BLNK: variants seen among roughly 807,000 people sequenced by gnomAD.
BLNK encodes the protein B-cell linker protein.
Under a neutral mutation model 73.5 loss-of-function variants are expected in BLNK, and 29 were observed. That is an observed-to-expected ratio of 0.39 (90% CI 0.29 to 0.54). The LOEUF (loss-of-function observed/expected upper bound fraction) is 0.54, where lower values mean the gene tolerates loss of function less well. Among genes scored for constraint, BLNK ranks in the 20% least tolerant of loss-of-function variants. BLNK has a pLI of 0.61. For synonymous variants in BLNK, 176 were observed against 200.8 expected (o/e 0.88, Z 1.04); for missense variants, 460 against 562.8 (o/e 0.82, Z 1.85).
chr10:96,237,775 T>A (rs587674910), intron 3 of BLNK, among the ~76,000 whole-genome samples: 1 of 152,232 alleles, frequency 6.6e-6, no homozygotes, highest in East Asian at 1.9e-4. Context: ...TGAGCTTGGG[T>A]CAAAGCAAGG....
intron 9 of BLNK, among the ~76,000 whole-genome samples, chr10:96,209,116 A>ATGAC (rs373267215): frequency 6.6e-6 from 1 of 152,248 alleles, no homozygotes; most frequent in African/African-American, 2.4e-5. Context: ...ATAAGAAAGA[A>ATGAC]TGACTGTCAC....
intron 1 of BLNK, among the ~76,000 whole-genome samples, chr10:96,263,535 A>G (rs1843855961): frequency 1.3e-5 from 2 of 151,530 alleles, no homozygotes; most frequent in Admixed American, 1.3e-4. Flanking sequence ...GGAGGCCTAG[A>G]CCACAGTGCT....
intron 6 of BLNK, among the ~76,000 whole-genome samples, chr10:96,221,146 T>C (rs1215346865): frequency 6.6e-6 from 1 of 152,242 alleles, no homozygotes; most frequent in Non-Finnish European, 1.5e-5. Context: ...TGTTTCCTCA[T>C]CTGTAAAGTG....
chr10:96,221,529 T>C (rs1375057032), intron 6 of BLNK, among the ~76,000 whole-genome samples: 1 of 152,198 alleles, frequency 6.6e-6, no homozygotes, highest in Non-Finnish European at 1.5e-5. Context: ...CCCGCCTTCA[T>C]ACTTCTCTTT....
rs1564829272 is a variant in BLNK, at chr10:96,223,895, G to A, written c.456C>T (p.Thr152=). 7 of 1,613,888 alleles carry A rather than the reference G, an allele frequency of 4.3e-6. No homozygotes were observed. The highest frequency in any genetic ancestry group is 3.4e-4 in the Middle Eastern group (2 of 5,822). Reference sequence around the variant, plus strand: ...TCTGCAAAGCAGTCAGGGCCGGCAGGGTGGAGGTGAGCCTTGCTTTCTCTG... The same window carrying A: ...TCTGCAAAGCAGTCAGGGCCGGCAGAGTGGAGGTGAGCCTTGCTTTCTCTG... ...WPSEKARLTS[T]LPALTALQKP... The change falls in exon 6 of 17, where the codon ACC becomes ACT. Residue 152 remains threonine, a synonymous_variant. Coordinates refer to ENST00000224337, the MANE Select transcript of BLNK (RefSeq NM_013314.4).
chr10:96,198,986 A>G (rs2083552863), intron 15 of BLNK, among the ~76,000 whole-genome samples: 1 of 152,258 alleles, frequency 6.6e-6, no homozygotes, highest in African/African-American at 2.4e-5. Context: ...GGCATAAGCC[A>G]CTGCGCCTGG....
At chr10:96,230,923 C>A (rs1280379127) in intron 3 of BLNK, 89 bp from the exon 4 acceptor site, 2 of 1,399,736 alleles carry the variant, frequency 1.4e-6, no homozygotes, top group South Asian at 1.2e-5. Flanking sequence ...CACCTGCCTT[C>A]CCTTCCCTTT....
In BLNK at chr10:96,200,840, T is replaced by C; in HGVS notation, c.1011+142A>G. The C allele has an allele frequency of 1.2e-6, 1 of 819,010 alleles. No individual in the cohort carries two copies. The highest frequency in any genetic ancestry group is 1.8e-5 in the Admixed American group (1 of 55,454). 50.7% of individuals were successfully genotyped at this position (819,010 alleles called of 1,614,324 possible). A position where few individuals can be genotyped will look rare whatever the true frequency, so the allele number is the denominator to read the frequency against. ...ACAACAACTGGGTATTCTGTCCCTA[T>C]TACCAAATGACAGTTCACATAATGA... On this transcript the variant is annotated intron_variant, in intron 14 of 16. Coordinates refer to ENST00000224337, the MANE Select transcript of BLNK (RefSeq NM_013314.4). This position sits in a 1 kb window ranked among gnomAD's most constrained non-coding sequence, Gnocchi z 4.3.
At chr10:96,229,658 G>GTGTA (rs1842420830) in intron 4 of BLNK, among the ~76,000 whole-genome samples, 1 of 149,646 alleles carries the variant, frequency 6.7e-6, no homozygotes, top group Non-Finnish European at 1.5e-5. Flanking sequence ...ATGTGGCTGT[G>GTGTA]TGTGTGTGTG....
intron 13 of BLNK, chr10:96,203,854 T>C: frequency 2.3e-6 from 1 of 430,004 alleles, no homozygotes; most frequent in Non-Finnish European, 4.2e-6. Flanking sequence ...AAGTAAAAAT[T>C]GCCTCAAATA....
At chr10:96,264,095 G>A (rs1843883068) in intron 1 of BLNK, among the ~76,000 whole-genome samples, 1 of 152,174 alleles carries the variant, frequency 6.6e-6, no homozygotes, top group Non-Finnish European at 1.5e-5. Context: ...TAGGGGCCTA[G>A]GAAACCCAGC....
In BLNK at chr10:96,191,917, A is replaced by C; in HGVS notation, c.*56T>G. The C allele has an allele frequency of 6.2e-7, 1 of 1,608,800 alleles. No individual in the cohort carries two copies. Among genetic ancestry groups the C allele is most frequent in the South Asian group, 1.1e-5 (1 of 90,414 alleles). On this transcript the variant is annotated 3_prime_UTR_variant, in exon 17 of 17. Transcript: ENST00000224337. ...TGAAGTTTTGGGACTTTTTCTCAAA[A>C]GGAGAAACTTTGGGAAAGTGTCTGA...
chr10:96,260,628 A>G (rs1411037589), intron 1 of BLNK, among the ~76,000 whole-genome samples: 4 of 152,178 alleles, frequency 2.6e-5, no homozygotes, highest in Non-Finnish European at 5.9e-5. Flanking sequence ...AAAAGCAAAG[A>G]TATTTTCAGG....
chr10:96,257,948 C>T lies in BLNK; in HGVS notation c.48-10899G>A, dbSNP rs138238680. Reference sequence around the variant, plus strand: ...CAAAACATCCTCCTCTCAGGTCACTCCTGTCTTAAAGCTGAAGTTTTCAGC... The same window carrying T: ...CAAAACATCCTCCTCTCAGGTCACTTCTGTCTTAAAGCTGAAGTTTTCAGC... On this transcript the variant is annotated intron_variant, in intron 1 of 16. Coordinates refer to ENST00000224337, the MANE Select transcript of BLNK (RefSeq NM_013314.4). Among the ~76,000 whole-genome samples, 454 of 152,324 alleles carry T rather than the reference C, an allele frequency of 3.0e-3. 7 individuals carry two copies. The highest frequency in any genetic ancestry group is 0.024 in the Middle Eastern group (7 of 294).
chr10:96,206,494 A>G (rs1049280514), intron 11 of BLNK, among the ~76,000 whole-genome samples: 4 of 149,272 alleles, frequency 2.7e-5, no homozygotes, highest in Non-Finnish European at 4.4e-5. Flanking sequence ...AGCTGCAGTG[A>G]GCTATAATTA....
intron 2 of BLNK, 68 bp from the exon 3 acceptor site, chr10:96,242,852 A>G: frequency 7.7e-7 from 1 of 1,300,338 alleles, no homozygotes; most frequent in East Asian, 2.3e-5. Flanking sequence ...CGATGCTAGA[A>G]GCTGATATAG....
At chr10:96,233,331 C>T (rs144182986) in intron 3 of BLNK, among the ~76,000 whole-genome samples, 27 of 152,208 alleles carry the variant, frequency 1.8e-4, no homozygotes, top group African/African-American at 5.8e-4. Flanking sequence ...AACTAGTGTC[C>T]CTGTCTCCAT....
At chr10:96,250,411 AGG>A (rs61400751) in intron 1 of BLNK, among the ~76,000 whole-genome samples, 1 of 130,186 alleles carries the variant, frequency 7.7e-6, no homozygotes, top group Admixed American at 7.9e-5. Flanking sequence ...ACAGAGAGAG[AGG>A]GGGAGAGAGA....
intron 1 of BLNK, among the ~76,000 whole-genome samples, chr10:96,250,061 G>A (rs534415989): frequency 6.6e-6 from 1 of 152,334 alleles, no homozygotes; most frequent in East Asian, 1.9e-4. Flanking sequence ...CCAAGTCATT[G>A]TAATTTGGGT....
Sources: gnomAD v4.1 joint callset for allele counts (sites outside exome capture counted in the v4.1 genomes callset) on GRCh38, gnomAD v4.1.1 for gene constraint, Gnocchi (gnomAD v3.1) non-coding constraint, MANE v1.5 for transcripts, NCBI Gene and HGNC (gene_info 2026-07-23, HGNC 2026-07-21) for gene names.